ZNRF1: variants seen among roughly 807,000 people sequenced by gnomAD.
The protein encoded by ZNRF1 is E3 ubiquitin-protein ligase ZNRF1.
ZNRF1 carries 3 observed loss-of-function variants against 18.4 expected under a neutral mutation model. The observed-to-expected ratio is 0.16, with a 90% CI of 0.07 to 0.42. The LOEUF (loss-of-function observed/expected upper bound fraction) is 0.42, where lower values mean the gene tolerates loss of function less well. Among genes scored for constraint, ZNRF1 ranks in the 10% least tolerant of loss-of-function variants. The pLI is 0.99. For missense variants in ZNRF1, 310 were observed against 329.8 expected, an observed-to-expected ratio of 0.94 and a Z score of 0.47; for synonymous variants, 157 against 144.2, an observed-to-expected ratio of 1.09 and a Z score of -0.64.
chr16:75,103,717 T>C (rs904621219), intron 2 of ZNRF1, among the ~76,000 whole-genome samples: 6 of 152,204 alleles, frequency 3.9e-5, no homozygotes, highest in Non-Finnish European at 8.8e-5. Context: ...TCAGGCGTGG[T>C]GGCTCACACC....
chr16:75,063,063 A>T (rs987318738), intron 1 of ZNRF1, among the ~76,000 whole-genome samples: 1 of 152,186 alleles, frequency 6.6e-6, no homozygotes, highest in African/African-American at 2.4e-5. Flanking sequence ...TTATAATGGG[A>T]GGGAAACTTA....
chr16:75,016,980 G>A (rs1170777810), intron 1 of ZNRF1, among the ~76,000 whole-genome samples: 1 of 152,208 alleles, frequency 6.6e-6, no homozygotes, highest in Non-Finnish European at 1.5e-5. Flanking sequence ...CAGAGTACCA[G>A]GAACTGCTCT....
At chr16:75,018,583 C>A (rs2035101248) in intron 1 of ZNRF1, among the ~76,000 whole-genome samples, 1 of 151,942 alleles carries the variant, frequency 6.6e-6, no homozygotes, top group South Asian at 2.1e-4. Flanking sequence ...CTCTTTTATT[C>A]CTACTTTGCT....
intron 1 of ZNRF1, among the ~76,000 whole-genome samples, chr16:75,004,246 T>C (rs1159105865): frequency 6.6e-6 from 1 of 152,188 alleles, no homozygotes; most frequent in Non-Finnish European, 1.5e-5. Context: ...CTTTTACTCA[T>C]AATGCCGCTG....
At chr16:75,104,053 C>G (rs1388487049) in intron 2 of ZNRF1, 2 of 152,264 alleles carry the variant, frequency 1.3e-5, no homozygotes, top group Non-Finnish European at 2.9e-5. Flanking sequence ...CCATATCCCT[C>G]TGTCCCCAAT....
At chr16:75,021,445 C>T (rs72800320) in intron 1 of ZNRF1, among the ~76,000 whole-genome samples, 7,134 of 152,296 alleles carry the variant, frequency 0.047, 293 homozygotes, top group Admixed American at 0.11. Context: ...CCTTCCCTTC[C>T]TTCTTTTATC....
chr16:75,102,940 TC>T (rs1431164519), intron 2 of ZNRF1, among the ~76,000 whole-genome samples: 1 of 152,190 alleles, frequency 6.6e-6, no homozygotes, highest in African/African-American at 2.4e-5. Flanking sequence ...ACAAGGCTGT[TC>T]CCTGTGCCCA....
At chr16:75,089,271 T>TA (rs879493941) in intron 1 of ZNRF1, among the ~76,000 whole-genome samples, 57 of 146,900 alleles carry the variant, frequency 3.9e-4, no homozygotes, top group South Asian at 1.1e-3. Flanking sequence ...CCCAGCTAAT[T>TA]AAAAAAAAAA....
intron 2 of ZNRF1, among the ~76,000 whole-genome samples, chr16:75,101,074 C>T (rs771495116): frequency 8.5e-5 from 13 of 152,176 alleles, no homozygotes; most frequent in African/African-American, 1.2e-4. Context: ...GCTGGGACTA[C>T]AGGTGCATGC....
intron 1 of ZNRF1, among the ~76,000 whole-genome samples, chr16:75,060,001 A>G (rs2035721784): frequency 6.6e-6 from 1 of 152,142 alleles, no homozygotes; most frequent in Admixed American, 6.5e-5. Flanking sequence ...TCTCAGTTGT[A>G]GAAACCCAGG....
rs150904089 is a variant in ZNRF1, at chr16:75,101,034, A to G, written c.521-3750A>G. Among the ~76,000 whole-genome samples, 359 of 152,288 alleles carry G rather than the reference A, an allele frequency of 2.4e-3. 1 individual carries two copies. Among genetic ancestry groups the G allele is most frequent in the Non-Finnish European group, 3.5e-3 (241 of 68,022 alleles). Reference sequence around the variant, plus strand: ...CTGTAATCTCTGCCTCCCGGGTTCAAATGATTCTCCTGCCTCAGCCTCCCA... The same window carrying G: ...CTGTAATCTCTGCCTCCCGGGTTCAGATGATTCTCCTGCCTCAGCCTCCCA... On this transcript the variant is annotated intron_variant, in intron 2 of 4. Transcript: ENST00000335325.
chr16:75,004,133 C>T (rs1178238125), intron 1 of ZNRF1, among the ~76,000 whole-genome samples: 1 of 151,960 alleles, frequency 6.6e-6, no homozygotes, highest in Non-Finnish European at 1.5e-5. Flanking sequence ...GCCTAATGGT[C>T]TCAGAATTTG....
At chr16:75,090,391 C>T (rs2036122782) in intron 1 of ZNRF1, among the ~76,000 whole-genome samples, 1 of 151,998 alleles carries the variant, frequency 6.6e-6, no homozygotes, top group South Asian at 2.1e-4. Context: ...GTTGTTGTGT[C>T]CTTTTTGTGG....
In ZNRF1 at chr16:75,108,237, A is replaced by C; in HGVS notation, c.*537A>C. 2 of 204,444 alleles carry C rather than the reference A, an allele frequency of 9.8e-6. No homozygotes were observed. Among genetic ancestry groups the C allele is most frequent in the South Asian group, 1.5e-4 (1 of 6,698 alleles). The allele number at this position is 204,444 out of a possible 1,614,324, so 12.7% of individuals were successfully genotyped here. A position where few individuals can be genotyped will look rare whatever the true frequency, so the allele number is the denominator to read the frequency against. ...TGGGTTTGTTTGGTTTTTTCCCTCT[A>C]TTTTTCTGGCTGGTTTTTTGCTCTT... is the stretch of plus-strand genomic sequence containing the variant. On this transcript the variant is annotated 3_prime_UTR_variant, in exon 5 of 5. Transcript: ENST00000335325.
chr16:75,011,549 AGCTCT>A (rs1352613569), intron 1 of ZNRF1, among the ~76,000 whole-genome samples: 1 of 152,172 alleles, frequency 6.6e-6, no homozygotes, highest in East Asian at 1.9e-4. Context: ...ACTTTTTTAT[AGCTCT>A]GCCTGCTGCT....
rs373783005 is a variant in ZNRF1, at chr16:75,013,349, A to C, written c.424+13254A>C. 1.9e-4 allele frequency among the ~76,000 whole-genome samples: 28 copies of C among 144,160 alleles called. 2 individuals carry two copies. The highest frequency in any genetic ancestry group is 1.1e-3 in the South Asian group (5 of 4,536). The allele number at this position is 144,160 out of a possible 152,430, so 94.6% of individuals were successfully genotyped here. A position where few individuals can be genotyped will look rare whatever the true frequency, so the allele number is the denominator to read the frequency against. On this transcript the variant is annotated intron_variant, in intron 1 of 4. Transcript: ENST00000335325. ...GACTCTTACTTTTTCTGTCCATTCA[A>C]TTTTTTTTTTTTTTCCGAGATGGAG...
chr16:75,073,268 A>G (rs973759966), intron 1 of ZNRF1, among the ~76,000 whole-genome samples: 1 of 151,150 alleles, frequency 6.6e-6, no homozygotes, highest in Non-Finnish European at 1.5e-5. Flanking sequence ...TTTTTTTCAC[A>G]ATTGTTGATT....
At chr16:75,081,642 T>A (rs1597900870) in intron 1 of ZNRF1, among the ~76,000 whole-genome samples, 1 of 152,040 alleles carries the variant, frequency 6.6e-6, no homozygotes, top group African/African-American at 2.4e-5. Flanking sequence ...GTGTCGGCGG[T>A]GGAAACAGAG....
chr16:75,024,746 G>C (rs1325722148), intron 1 of ZNRF1, among the ~76,000 whole-genome samples: 4 of 152,258 alleles, frequency 2.6e-5, no homozygotes, highest in Admixed American at 2.0e-4. Context: ...ACAGACCTTT[G>C]TGGTTTCCAA....
Sources: gnomAD v4.1 joint callset for allele counts (sites outside exome capture counted in the v4.1 genomes callset) on GRCh38, gnomAD v4.1.1 for gene constraint, MANE v1.5 for transcripts, NCBI Gene and HGNC (gene_info 2026-07-23, HGNC 2026-07-21) for gene names.